Variants in SPP2 observed in about 807,000 individuals in gnomAD.
SPP2 encodes secreted phosphoprotein 2.
SPP2 carries 34 observed loss-of-function variants against 28.8 expected under a neutral mutation model. The ratio of observed to expected loss-of-function variants is 1.18; its 90% CI spans 0.90 to 1.57. The LOEUF is 1.57. Ranked by LOEUF, SPP2 falls within the 40% of genes most tolerant of loss-of-function variation. The pLI is 0.00. For missense variants in SPP2, 269 were observed against 263.9 expected, an observed-to-expected ratio of 1.02 and a Z score of -0.13; for synonymous variants, 96 against 89.4, an observed-to-expected ratio of 1.07 and a Z score of -0.42.
chr2:234,060,536 T>A, intron 4 of SPP2, 57 bp downstream of exon 4: 1 of 1,422,936 alleles, frequency 7.0e-7, no homozygotes, highest in South Asian at 1.2e-5. Flanking sequence ...TGTGTGGGTT[T>A]GTGAAAAACA....
Position 234,060,404 on chromosome 2 carries a change from T to C in SPP2, c.369T>C (p.Ser123=), listed in dbSNP as rs1219236749. 13 of 1,613,932 alleles carry C rather than the reference T, an allele frequency of 8.1e-6. No homozygotes were observed. The highest frequency in any genetic ancestry group is 1.0e-5 in the Non-Finnish European group (12 of 1,179,956). ...TAVCRSTVKV[S]AQQVQGVHAR... is the part of the protein sequence containing the mutation. Reference sequence around the variant, plus strand: ...TTTGCAGAAGCACCGTGAAGGTATCTGCCCAGCAGGTGCAGGGCGTGCATG... The same window carrying C: ...TTTGCAGAAGCACCGTGAAGGTATCCGCCCAGCAGGTGCAGGGCGTGCATG... The change falls in exon 4 of 8, where the codon TCT becomes TCC. Residue 123 remains serine, a synonymous_variant. Transcript: ENST00000168148.
rs1444875439 is a variant in SPP2 at position 234,051,028 on chromosome 2, T to A, written c.143T>A (p.Val48Glu). Residue 48 changes from valine (V) to glutamate (E), a missense_variant, in exon 2 of 8, where the codon GTG becomes GAG. Transcript: ENST00000168148. ...TTAAGGGATGCCCTCAGTGCCTCTG[T>A]GGTAAAAGTGAATTCCCAGTCACTG... ...SSLRDALSAS[V>E]VKVNSQSLSP... is the part of the protein sequence containing the mutation. 5 of 1,613,896 alleles carry A rather than the reference T, an allele frequency of 3.1e-6. No homozygotes were observed. The highest frequency in any genetic ancestry group is 4.2e-6 in the Non-Finnish European group (5 of 1,179,940).
chr2:234,060,480 G>A lies in SPP2; in HGVS notation c.444+1G>A. 6.2e-7 allele frequency: 1 copy of A among 1,611,734 alleles called. No individual in the cohort carries two copies. Among genetic ancestry groups the A allele is most frequent in the South Asian group, 1.1e-5 (1 of 90,946 alleles). Reference sequence around the variant, plus strand: ...GTCTGAGTCTTACAGCAGCGAAGAGGTATGACTGGGGCCTTGTCTCCTCCC... The same window carrying A: ...GTCTGAGTCTTACAGCAGCGAAGAGATATGACTGGGGCCTTGTCTCCTCCC... On this transcript the variant is annotated splice_donor_variant, in intron 4 of 7. Transcript: ENST00000168148. LOFTEE classifies it high-confidence loss of function.
chr2:234,067,777 CAAAAAAAAAAAAAAA>C (rs56184185), intron 6 of SPP2, among the ~76,000 whole-genome samples: 3 of 63,492 alleles, frequency 4.7e-5, no homozygotes, highest in East Asian at 5.2e-4. Context: ...GACTCCGTCT[CAAAAAAAAAAAAAAA>C]AAAAAAAAAA....
chr2:234,052,832 T>C (rs1693525610), intron 2 of SPP2, among the ~76,000 whole-genome samples: 1 of 152,228 alleles, frequency 6.6e-6, no homozygotes, highest in African/African-American at 2.4e-5. Context: ...TCTCTTCCTT[T>C]GATCTCTCCT....
At chr2:234,053,614 T>C (rs1693544485) in intron 2 of SPP2, among the ~76,000 whole-genome samples, 1 of 152,004 alleles carries the variant, frequency 6.6e-6, no homozygotes, top group South Asian at 2.1e-4. Context: ...AACCACTGGG[T>C]ATTACCAACA....
At chr2:234,056,167 A>T (rs1693603375) in intron 2 of SPP2, 1 of 152,186 alleles carries the variant, frequency 6.6e-6, no homozygotes, top group Non-Finnish European at 1.5e-5. Flanking sequence ...CAATCTACTC[A>T]TCTGACAAAG....
At chr2:234,058,616 T>C (rs1323659680) in intron 2 of SPP2, among the ~76,000 whole-genome samples, 1 of 152,218 alleles carries the variant, frequency 6.6e-6, no homozygotes. Context: ...TACATTCTGG[T>C]TCCATTTTCG....
intron 3 of SPP2, 34 bp downstream of exon 3, chr2:234,058,992 A>C: frequency 6.3e-7 from 1 of 1,595,112 alleles, no homozygotes; most frequent in Non-Finnish European, 8.5e-7. Flanking sequence ...AGAAATGAAC[A>C]AAAGGAAGAG....
chr2:234,074,326 A>G (rs1574838516), intron 7 of SPP2, among the ~76,000 whole-genome samples: 1 of 152,304 alleles, frequency 6.6e-6, no homozygotes, highest in East Asian at 1.9e-4. Context: ...TTAGCAACAT[A>G]TCTGCTTATC....
At chr2:234,064,310 G>T (rs900141723) in intron 4 of SPP2, among the ~76,000 whole-genome samples, 1 of 151,880 alleles carries the variant, frequency 6.6e-6, no homozygotes, top group East Asian at 1.9e-4. Flanking sequence ...CTGCAGAGAG[G>T]CTTTCCCCTT....
intron 2 of SPP2, among the ~76,000 whole-genome samples, chr2:234,054,537 G>A (rs1252171547): frequency 6.6e-6 from 1 of 152,168 alleles, no homozygotes; most frequent in Non-Finnish European, 1.5e-5. Context: ...GCCCTCTTCT[G>A]GGCTGCAGAC....
rs952488913 is a variant in SPP2, at chr2:234,060,370, C to T, written c.335C>T (p.Ser112Phe). Residue 112 changes from serine to phenylalanine, a missense_variant and splice_region_variant, in exon 4 of 8, where the codon TCC becomes TTC. Ser to Phe is a radical substitution (Grantham distance 155, BLOSUM62 -2). Coordinates refer to ENST00000168148, the MANE Select transcript of SPP2 (RefSeq NM_006944.3). Reference protein sequence around the residue: ...TCAFQRDYYVSTAVCRSTVKV... With the variant: ...TCAFQRDYYVFTAVCRSTVKV... ...AACTCACCCCTTTGTCTTTTCCAGTCCACAGCTGTTTGCAGAAGCACCGTG... is the reference window on the plus strand; with the variant it reads ...AACTCACCCCTTTGTCTTTTCCAGTTCACAGCTGTTTGCAGAAGCACCGTG... The T allele has an allele frequency of 6.2e-7, 1 of 1,613,194 alleles. No individual in the cohort carries two copies. The highest frequency in any genetic ancestry group is 8.5e-7 in the Non-Finnish European group (1 of 1,179,268).
At position 234,068,971 on chromosome 2, in the gene SPP2, G is replaced by A. The variant is rs373163174; in HGVS notation, c.551-957G>A. On this transcript the variant is annotated intron_variant, in intron 6 of 7. Coordinates refer to ENST00000168148, the MANE Select transcript of SPP2 (RefSeq NM_006944.3). ...GTTCTGGCTCAGAGTCTATCAAAAG[G>A]TTTCAGATAAGACGTTGACTGGGCT... Among the ~76,000 whole-genome samples, 3 of 152,098 alleles carry A rather than the reference G, an allele frequency of 2.0e-5. No homozygotes were observed. In the East Asian group the frequency reaches 5.8e-4, roughly 29 times the overall value.
chr2:234,066,685 A>G (rs1407105910), intron 5 of SPP2, 98 bp downstream of exon 5: 5 of 918,976 alleles, frequency 5.4e-6, no homozygotes, highest in Admixed American at 4.5e-5. Context: ...ATACATATGT[A>G]TGTAATCTTG....
chr2:234,075,060 C>T lies in SPP2; in HGVS notation c.*11-1785C>T, dbSNP rs544415931. On this transcript the variant is annotated intron_variant, in intron 7 of 7. Transcript: ENST00000168148. ...AGACCGTGAAAAGGACACTTGTTGA[C>T]AGCAGGAGAGCTGAGACATGGAGGC... Among the ~76,000 whole-genome samples the T allele has an allele frequency of 8.0e-5, 12 of 149,428 alleles. No individual in the cohort carries two copies. The South Asian group carries it at 2.3e-3, about 29-fold the overall frequency.
chr2:234,061,843 C>A (rs1484916018), intron 4 of SPP2, among the ~76,000 whole-genome samples: 2 of 152,184 alleles, frequency 1.3e-5, no homozygotes, highest in Non-Finnish European at 1.5e-5. Context: ...GTCACACTGG[C>A]AACTTTCGAA....
chr2:234,067,245 T>C lies in SPP2; in HGVS notation c.521T>C (p.Ile174Thr). ...YLFGLISDES[I>T]SEQFYDRSLG... ...ACAGGTCTCATTTCAGACGAGTCCA[T>C]AAGTGAACAATTTTATGATCGGTCA... The change falls in exon 6 of 8, where the codon ATA becomes ACA. Residue 174 changes from isoleucine to threonine, a missense_variant. By Grantham distance (89) the Ile-to-Thr change is moderately conservative. Coordinates refer to ENST00000168148, the MANE Select transcript of SPP2 (RefSeq NM_006944.3). 1 of 1,614,110 alleles carries C rather than the reference T, an allele frequency of 6.2e-7. No homozygotes were observed. Among genetic ancestry groups the C allele is most frequent in the South Asian group, 1.1e-5 (1 of 91,078 alleles).
chr2:234,075,899 C>A (rs566730923), intron 7 of SPP2, among the ~76,000 whole-genome samples: 1 of 152,346 alleles, frequency 6.6e-6, no homozygotes, highest in African/African-American at 2.4e-5. Flanking sequence ...GAAGCAGATG[C>A]ATCTCAGACC....
Sources: allele counts gnomAD v4.1 joint callset (sites outside exome capture counted in the v4.1 genomes callset), GRCh38; gene constraint gnomAD v4.1.1; transcripts MANE v1.5; gene names NCBI Gene and HGNC (gene_info 2026-07-23, HGNC 2026-07-21).